The following KALRN variants were observed in gnomAD, a reference collection of about 807,000 sequenced individuals.
KALRN encodes kalirin.
KALRN carries 70 observed loss-of-function variants against 353.7 expected under a neutral mutation model. The ratio of observed to expected loss-of-function variants is 0.20; its 90% CI spans 0.16 to 0.24. KALRN has a LOEUF of 0.24. Ranked by LOEUF, KALRN falls within the 10% of genes least tolerant of loss-of-function variation. KALRN has a pLI of 1.00. For synonymous variants in KALRN, 1,391 were observed against 1,434.8 expected (o/e 0.97, Z 0.69); for missense variants, 2,791 against 3,756.7 (o/e 0.74, Z 6.72).
At chr3:124,569,342 G>T (rs375669727) in intron 34 of KALRN, among the ~76,000 whole-genome samples, 1 of 152,148 alleles carries the variant, frequency 6.6e-6, no homozygotes, top group African/African-American at 2.4e-5. Flanking sequence ...GTGGAGAACC[G>T]TGGATAAAAC....
chr3:124,627,495 T>C (rs890423901), intron 34 of KALRN, among the ~76,000 whole-genome samples: 39 of 152,232 alleles, frequency 2.6e-4, no homozygotes, highest in African/African-American at 9.4e-4. Flanking sequence ...TGATGTACCA[T>C]GGAACAGAAA....
At chr3:124,450,177 G>A (rs1170482502) in intron 21 of KALRN, among the ~76,000 whole-genome samples, 1 of 152,186 alleles carries the variant, frequency 6.6e-6, no homozygotes, top group Non-Finnish European at 1.5e-5. Context: ...GTTTGTGAGG[G>A]TTCCAGTTTC....
intron 5 of KALRN, among the ~76,000 whole-genome samples, chr3:124,292,574 C>T (rs933129072): frequency 7.9e-5 from 12 of 151,916 alleles, no homozygotes; most frequent in African/African-American, 1.9e-4. Context: ...TCTCTGAGTG[C>T]GTGAAGGTGG....
chr3:124,536,255 G>T (rs2068511489), intron 33 of KALRN, among the ~76,000 whole-genome samples: 1 of 142,096 alleles, frequency 7.0e-6, no homozygotes, highest in East Asian at 2.0e-4. Flanking sequence ...AGGCTGGAGT[G>T]CAATGGTGCA....
At position 124,720,828 on chromosome 3, in the gene KALRN, AT is replaced by A. The variant is rs2063341268; in HGVS notation, c.*1363del. 1 of 151,888 alleles carries A rather than the reference AT, an allele frequency of 6.6e-6. No homozygotes were observed. The highest frequency in any genetic ancestry group is 1.5e-5 in the Non-Finnish European group (1 of 67,966). 9.4% of individuals were successfully genotyped at this position (151,888 alleles called of 1,614,324 possible). A position where few individuals can be genotyped will look rare whatever the true frequency, so the allele number is the denominator to read the frequency against. ...GGCATTTCATGGGTTTTCTTTCTTT[AT>A]TTTTGTTCATTTGTTTTGGAGGGAG... is the stretch of plus-strand genomic sequence containing the variant. On this transcript the variant is annotated 3_prime_UTR_variant, in exon 60 of 60. Transcript: ENST00000682506.
In KALRN at chr3:124,725,380, G is replaced by A. The variant is rs2063407036; in HGVS notation, c.*5910G>A. ...AGTAGTTAGAACAAATATGAAGACT[G>A]AAAAAAACTAAACATACTCTTCATA... On this transcript the variant is annotated 3_prime_UTR_variant, in exon 60 of 60. Coordinates refer to ENST00000682506, the MANE Select transcript of KALRN (RefSeq NM_001388419.1). 1 of 152,108 alleles carries A rather than the reference G, an allele frequency of 6.6e-6. No individual in the cohort carries two copies. The highest frequency in any genetic ancestry group is 1.5e-5 in the Non-Finnish European group (1 of 68,002). 9.4% of individuals were successfully genotyped at this position (152,108 alleles called of 1,614,324 possible). A position where few individuals can be genotyped will look rare whatever the true frequency, so the allele number is the denominator to read the frequency against.
At chr3:124,406,399 A>G (rs2091542528) in intron 13 of KALRN, among the ~76,000 whole-genome samples, 1 of 152,228 alleles carries the variant, frequency 6.6e-6, no homozygotes, top group Non-Finnish European at 1.5e-5. Context: ...TCATCGTGGT[A>G]ACCTATATCA....
intron 1 of KALRN, among the ~76,000 whole-genome samples, chr3:124,103,637 C>A (rs1042856474): frequency 6.6e-6 from 1 of 152,082 alleles, no homozygotes. Context: ...AGGGAGCTTA[C>A]AATTCAAACT....
At chr3:124,677,474 C>T in intron 49 of KALRN, 4 of 401,622 alleles carry the variant, frequency 1.0e-5, no homozygotes, top group South Asian at 7.5e-5. Flanking sequence ...TCTCACCTCC[C>T]TGGGAGCACA....
intron 29 of KALRN, among the ~76,000 whole-genome samples, chr3:124,489,698 AGC>A (rs1409072034): frequency 6.6e-6 from 1 of 152,190 alleles, no homozygotes; most frequent in Non-Finnish European, 1.5e-5. Context: ...CTCTGGATCC[AGC>A]TACTCCATGC....
rs115216108 is a variant in KALRN, at chr3:124,683,024, C to T, written c.7377+3507C>T. 9.0e-3 allele frequency among the ~76,000 whole-genome samples: 1,371 copies of T among 151,558 alleles called. 12 individuals carry two copies. The highest frequency in any genetic ancestry group is 0.029 in the African/African-American group (1,192 of 41,278). Reference sequence around the variant, plus strand: ...TCATGGAGAACTGTTCTAAAGATGACGAGTATCATCCATAGTTCAGCTTAC... The same window carrying T: ...TCATGGAGAACTGTTCTAAAGATGATGAGTATCATCCATAGTTCAGCTTAC... On this transcript the variant is annotated intron_variant, in intron 51 of 59. Transcript: ENST00000682506.
Position 124,492,848 on chromosome 3 carries a change from A to C in KALRN, c.4798A>C (p.Lys1600Gln). 1 of 1,614,130 alleles carries C rather than the reference A, an allele frequency of 6.2e-7. No homozygotes were observed. Reference protein sequence around the residue: ...GALKEPLQLPKTPAKQRNNSK... With the variant: ...GALKEPLQLPQTPAKQRNNSK... The stretch of plus-strand genomic sequence containing the variant: ...TTTAAAGGAGCCACTTCAGCTCCCC[A>C]AAACACCAGCCAAACAGAGGAACAA... The change falls in exon 32 of 60, where the codon AAA (lysine) becomes CAA (glutamine). Residue 1600 changes from lysine to glutamine, a missense_variant. By Grantham distance (53) the Lys-to-Gln change is moderately conservative. Transcript: ENST00000682506.
chr3:124,075,805 C>T (rs550579426), intron 1 of KALRN, among the ~76,000 whole-genome samples: 6 of 152,324 alleles, frequency 3.9e-5, no homozygotes, highest in Non-Finnish European at 8.8e-5. Flanking sequence ...GCAGGAGCAG[C>T]ACAAGCTGTA....
intron 34 of KALRN, among the ~76,000 whole-genome samples, chr3:124,627,881 C>G (rs1014980717): frequency 2.0e-5 from 3 of 152,204 alleles, no homozygotes; most frequent in African/African-American, 7.2e-5. Context: ...TAGTCGAGCT[C>G]CTAATATTCC....
chr3:124,595,046 G>A (rs1025723257), intron 34 of KALRN, among the ~76,000 whole-genome samples: 1 of 151,664 alleles, frequency 6.6e-6, no homozygotes, highest in Non-Finnish European at 1.5e-5. Flanking sequence ...ACTAGGAAGA[G>A]AACCTTGATT....
chr3:124,652,616 G>A (rs1300936569), intron 38 of KALRN, among the ~76,000 whole-genome samples: 1 of 151,902 alleles, frequency 6.6e-6, no homozygotes, highest in Non-Finnish European at 1.5e-5. Flanking sequence ...TCTCTCTTTT[G>A]CCCAGGCCAG....
intron 3 of KALRN, among the ~76,000 whole-genome samples, chr3:124,245,077 A>G (rs2148686955): frequency 6.6e-6 from 1 of 152,256 alleles, no homozygotes; most frequent in African/African-American, 2.4e-5. Flanking sequence ...GTGCTATCAA[A>G]CACTAGATCT....
Position 124,649,576 on chromosome 3 carries a change from C to G in KALRN, c.5665-1232C>G, listed in dbSNP as rs113993049. Among the ~76,000 whole-genome samples the G allele has an allele frequency of 7.2e-5, 11 of 151,914 alleles. 1 individual carries two copies. Among genetic ancestry groups the G allele is most frequent in the African/African-American group, 2.7e-4 (11 of 41,362 alleles). ...ATCACTTGAGCCCAGGAGTTCAAGA[C>G]CAGCCTGGGCAATGTAATGAGACCC... On this transcript the variant is annotated intron_variant, in intron 37 of 59. Coordinates refer to ENST00000682506, the MANE Select transcript of KALRN (RefSeq NM_001388419.1).
chr3:124,576,484 G>C (rs903238716), intron 34 of KALRN, among the ~76,000 whole-genome samples: 72 of 152,138 alleles, frequency 4.7e-4, no homozygotes, highest in African/African-American at 1.7e-3. Context: ...CTTCAGGATG[G>C]GAATGGGGAA....
Sources: gnomAD v4.1 joint callset for allele counts (sites outside exome capture counted in the v4.1 genomes callset) on GRCh38, gnomAD v4.1.1 for gene constraint, MANE v1.5 for transcripts, NCBI Gene and HGNC (gene_info 2026-07-23, HGNC 2026-07-21) for gene names.